Variants in PRDM16 observed in about 807,000 individuals in gnomAD.
PRDM16 encodes histone-lysine N-methyltransferase PRDM16.
In PRDM16, 23 loss-of-function variants were observed where a neutral mutation model predicts 110.6. That is an observed-to-expected ratio of 0.21 (90% CI 0.15 to 0.29). The LOEUF (loss-of-function observed/expected upper bound fraction) is 0.29. PRDM16 is among the 10% of genes least tolerant of loss of function. The pLI is 1.00. For synonymous variants in PRDM16, 799 were observed against 781.8 expected (o/e 1.02, Z -0.37); for missense variants, 1,615 against 1,794.3 (o/e 0.90, Z 1.81).
intron 3 of PRDM16, among the ~76,000 whole-genome samples, chr1:3,312,112 C>T (rs187997063): frequency 6.6e-6 from 1 of 152,318 alleles, no homozygotes; most frequent in East Asian, 1.9e-4. Context: ...CTCTCTGATC[C>T]TGACTCCCCC....
At chr1:3,215,428 G>A (rs796491921) in intron 2 of PRDM16, among the ~76,000 whole-genome samples, 1 of 96,860 alleles carries the variant, frequency 1.0e-5, no homozygotes, top group Non-Finnish European at 1.8e-5. Flanking sequence ...AAGGCCTATT[G>A]GGGTCCAGGA....
At chr1:3,078,386 C>A (rs1641945666) in intron 1 of PRDM16, among the ~76,000 whole-genome samples, 1 of 152,182 alleles carries the variant, frequency 6.6e-6, no homozygotes, top group Non-Finnish European at 1.5e-5. Context: ...GGGGAGTGGT[C>A]CCTCGCCTGG....
At chr1:3,386,833 C>T (rs1203423953) in intron 4 of PRDM16, 3 of 152,044 alleles carry the variant, frequency 2.0e-5, no homozygotes, top group Admixed American at 2.0e-4. Flanking sequence ...CAGGGCTGTG[C>T]TTTTGTGAGA....
At chr1:3,226,720 A>C (rs1458921162) in intron 2 of PRDM16, among the ~76,000 whole-genome samples, 1 of 152,160 alleles carries the variant, frequency 6.6e-6, no homozygotes, top group East Asian at 1.9e-4. Flanking sequence ...GCCTGGATGC[A>C]AGAGGAAGCA....
At chr1:3,404,456 G>T (rs2100645475) in intron 6 of PRDM16, among the ~76,000 whole-genome samples, 1 of 152,384 alleles carries the variant, frequency 6.6e-6, no homozygotes, top group Middle Eastern at 3.4e-3. Flanking sequence ...GTGTGGGCCG[G>T]GGTCCGGCAC....
chr1:3,356,956 C>T (rs551641457), intron 3 of PRDM16, among the ~76,000 whole-genome samples: 126 of 152,302 alleles, frequency 8.3e-4, no homozygotes, highest in African/African-American at 2.8e-3. Flanking sequence ...ATCCCACAGA[C>T]CCTGGAGCAA....
chr1:3,169,864 G>A (rs752451580), intron 1 of PRDM16, among the ~76,000 whole-genome samples: 10 of 152,234 alleles, frequency 6.6e-5, no homozygotes, highest in South Asian at 2.1e-4. Context: ...GCGAGCTAAC[G>A]CCTTTGTCAG....
intron 4 of PRDM16, among the ~76,000 whole-genome samples, chr1:3,389,349 G>C (rs757118667): frequency 2.6e-5 from 4 of 152,192 alleles, no homozygotes; most frequent in Non-Finnish European, 5.9e-5. Context: ...GGCTGGCCCA[G>C]CATCCTGTTC....
rs555037807 is a variant in PRDM16, at chr1:3,310,765, TGTATGG to T, written c.438+66631_438+66636del. ...CCCTGTGTAGGAATATGTGTTTGCA[TGTATGG>T]GTGTGTATGTGCATGCATGTCTGTG... On this transcript the variant is annotated intron_variant, in intron 3 of 16. Coordinates refer to ENST00000270722, the MANE Select transcript of PRDM16 (RefSeq NM_022114.4). Among the ~76,000 whole-genome samples the T allele has an allele frequency of 6.8e-4, 104 of 152,242 alleles. 2 individuals are homozygous for T. The East Asian group carries it at 0.016, about 24-fold the overall frequency.
At chr1:3,318,894 T>G (rs994345494) in intron 3 of PRDM16, among the ~76,000 whole-genome samples, 4 of 152,202 alleles carry the variant, frequency 2.6e-5, no homozygotes, top group Non-Finnish European at 5.9e-5. Context: ...CTCCCCACTT[T>G]CCTAGGAAAA....
chr1:3,369,530 A>G (rs1177404803), intron 3 of PRDM16, among the ~76,000 whole-genome samples: 2 of 152,202 alleles, frequency 1.3e-5, no homozygotes, highest in African/African-American at 4.8e-5. Context: ...GCAGCTGGGT[A>G]TGAGGAGAAA....
chr1:3,433,112 G>C (rs1557674575), intron 16 of PRDM16, among the ~76,000 whole-genome samples: 1 of 152,214 alleles, frequency 6.6e-6, no homozygotes, highest in Non-Finnish European at 1.5e-5. Flanking sequence ...TCACCAGGTG[G>C]AGGAAACAGG....
chr1:3,176,321 TC>T (rs1644089562), intron 1 of PRDM16, among the ~76,000 whole-genome samples: 2 of 73,800 alleles, frequency 2.7e-5, no homozygotes, highest in Admixed American at 1.3e-4. Context: ...CATCTATTCT[TC>T]CATCCATCCC....
intron 15 of PRDM16, 147 bp from the exon 16 acceptor site, chr1:3,431,819 T>TGTCCGTGTGTCTGTCTCCCTGTGC: frequency 1.3e-6 from 1 of 750,224 alleles, no homozygotes; most frequent in East Asian, 2.6e-5. Context: ...GGCGTCTGTG[T>TGTCCGTGTGTCTGTCTCCCTGTGC]GTCCGTGTGT....
intron 1 of PRDM16, among the ~76,000 whole-genome samples, chr1:3,109,286 C>G (rs1049499012): frequency 3.3e-5 from 5 of 152,096 alleles, no homozygotes; most frequent in Non-Finnish European, 7.3e-5. Flanking sequence ...GCTCCTTCGA[C>G]TGGACCAAAT....
At position 3,404,841 on chromosome 1, in the gene PRDM16, G is replaced by A; in HGVS notation, c.987G>A (p.Met329Ile). The A allele has an allele frequency of 1.2e-6, 2 of 1,613,534 alleles. No homozygotes were observed. The highest frequency in any genetic ancestry group is 1.7e-6 in the Non-Finnish European group (2 of 1,179,998). Reference protein sequence around the residue: ...NWKSNLIRHQMSHDSGKRFEC... With the variant: ...NWKSNLIRHQISHDSGKRFEC... ...AGTCCAACCTCATCCGCCACCAGAT[G>A]TCCCACGACAGCGGCAAACGCTTCG... Residue 329 changes from methionine (M) to isoleucine (I), a missense_variant, in exon 7 of 17, where the codon ATG (methionine) becomes ATA (isoleucine). Physicochemically the swap from Met to Ile is conservative, Grantham distance 10. Transcript: ENST00000270722.
intron 2 of PRDM16, among the ~76,000 whole-genome samples, chr1:3,188,671 C>T (rs1269315662): frequency 6.6e-6 from 1 of 152,212 alleles, no homozygotes; most frequent in Non-Finnish European, 1.5e-5. Flanking sequence ...CCTTGTTTTC[C>T]TTGCGAGTTC....
rs1429218565 is a variant in PRDM16 at position 3,435,540 on chromosome 1, G to GA, written c.*1735dup. 8.6e-6 allele frequency: 2 copies of GA among 231,584 alleles called. No individual in the cohort carries two copies. The highest frequency in any genetic ancestry group is 4.4e-5 in the African/African-American group (2 of 45,130). The allele number at this position is 231,584 out of a possible 1,614,324, so 14.3% of individuals were successfully genotyped here. On this transcript the variant is annotated 3_prime_UTR_variant, in exon 17 of 17. Coordinates refer to ENST00000270722, the MANE Select transcript of PRDM16 (RefSeq NM_022114.4). ...TATTTATTTCTTGTATTGTTTGGAA[G>GA]AAAAAATGATGATAGAGTCCCAAAA... is the stretch of plus-strand genomic sequence containing the variant.
rs1017475886 is a variant in PRDM16, at chr1:3,423,788, G to GC, written c.2940-1786dup. ...TGGCCTGGTCTCCAGCTGCTACCAGGCCCCCCCGGCCAGGATCCTGCTGCA... is the reference window on the plus strand; with the variant it reads ...TGGCCTGGTCTCCAGCTGCTACCAGGCCCCCCCCGGCCAGGATCCTGCTGCA... On this transcript the variant is annotated intron_variant, in intron 12 of 16. Transcript: ENST00000270722. Among the ~76,000 whole-genome samples, 6 of 152,196 alleles carry GC rather than the reference G, an allele frequency of 3.9e-5. No homozygotes were observed. In the East Asian group the frequency reaches 5.8e-4, roughly 15 times the overall value.
Sources: allele counts gnomAD v4.1 joint callset (sites outside exome capture counted in the v4.1 genomes callset), GRCh38; gene constraint gnomAD v4.1.1; transcripts MANE v1.5; gene names NCBI Gene and HGNC (gene_info 2026-07-23, HGNC 2026-07-21).